ZNF385B: variants seen among roughly 807,000 people sequenced by gnomAD.
ZNF385B encodes zinc finger protein 385B, also known as zinc finger protein 533.
In ZNF385B, 23 loss-of-function variants were observed where a neutral mutation model predicts 39.2. The observed-to-expected ratio is 0.59, with a 90% CI of 0.42 to 0.83. ZNF385B has a LOEUF of 0.83. ZNF385B is among the 40% of genes least tolerant of loss of function. ZNF385B has a pLI of 0.00. For synonymous variants in ZNF385B, 205 were observed against 222.6 expected (o/e 0.92, Z 0.70); for missense variants, 552 against 598.9 (o/e 0.92, Z 0.82).
At chr2:179,649,961 G>A (rs1693060824) in intron 3 of ZNF385B, among the ~76,000 whole-genome samples, 1 of 152,106 alleles carries the variant, frequency 6.6e-6, no homozygotes, top group African/African-American at 2.4e-5. Flanking sequence ...CCCAGTATTA[G>A]CACCCTTCCT....
chr2:179,644,461 G>A (rs1692538334), intron 3 of ZNF385B, among the ~76,000 whole-genome samples: 1 of 152,134 alleles, frequency 6.6e-6, no homozygotes, highest in African/African-American at 2.4e-5. Context: ...TTATCAACTT[G>A]TTGATATTTA....
intron 1 of ZNF385B, among the ~76,000 whole-genome samples, chr2:179,780,903 T>G (rs138383206): frequency 6.6e-6 from 1 of 152,340 alleles, no homozygotes; most frequent in African/African-American, 2.4e-5. Flanking sequence ...GCTAGTCAAA[T>G]GACTAATCAG....
At chr2:179,800,963 T>G (rs1705992467) in intron 1 of ZNF385B, among the ~76,000 whole-genome samples, 1 of 152,096 alleles carries the variant, frequency 6.6e-6, no homozygotes, top group Admixed American at 6.6e-5. Flanking sequence ...GTTACCCAAT[T>G]CATAAGCAAA....
intron 5 of ZNF385B, among the ~76,000 whole-genome samples, chr2:179,490,297 T>C (rs1236100074): frequency 2.7e-5 from 4 of 149,670 alleles, no homozygotes; most frequent in African/African-American, 7.4e-5. Flanking sequence ...TATTTGAATA[T>C]ATGAGCATTA....
chr2:179,840,315 T>C (rs1157116153), intron 1 of ZNF385B, among the ~76,000 whole-genome samples: 2 of 152,218 alleles, frequency 1.3e-5, no homozygotes, highest in Non-Finnish European at 2.9e-5. Context: ...CTAAGTTCTA[T>C]ATATCCATAT....
intron 3 of ZNF385B, among the ~76,000 whole-genome samples, chr2:179,605,584 G>A (rs149089062): frequency 2.0e-3 from 298 of 152,166 alleles, no homozygotes; most frequent in Middle Eastern, 0.01. Flanking sequence ...GGTCCCAATG[G>A]CTATAATATG....
chr2:179,444,760 C>A, intron 9 of ZNF385B, 116 bp downstream of exon 9: 1 of 842,516 alleles, frequency 1.2e-6, no homozygotes, highest in Non-Finnish European at 2.0e-6. Context: ...TCTATGAGGG[C>A]TATTTAAATT....
intron 3 of ZNF385B, among the ~76,000 whole-genome samples, chr2:179,726,661 C>T (rs1247736050): frequency 6.6e-6 from 1 of 152,008 alleles, no homozygotes; most frequent in Non-Finnish European, 1.5e-5. Context: ...CATCATTTCA[C>T]ATTGACAAAG....
chr2:179,749,471 C>A (rs1702555348), intron 3 of ZNF385B, among the ~76,000 whole-genome samples: 1 of 152,062 alleles, frequency 6.6e-6, no homozygotes, highest in Admixed American at 6.6e-5. Context: ...GGACATATAC[C>A]AACCATATGG....
At chr2:179,461,205 T>C (rs184726283) in intron 6 of ZNF385B, among the ~76,000 whole-genome samples, 87 of 152,082 alleles carry the variant, frequency 5.7e-4, no homozygotes, top group Non-Finnish European at 1.1e-3. Context: ...TGAGAGAAAT[T>C]TGGATGTAAC....
At chr2:179,537,656 G>C (rs1244243831) in intron 4 of ZNF385B, among the ~76,000 whole-genome samples, 1 of 152,018 alleles carries the variant, frequency 6.6e-6, no homozygotes, top group African/African-American at 2.4e-5. Flanking sequence ...CAGAAGAATA[G>C]CTTGAATCTG....
chr2:179,458,058 T>A (rs1445746165), intron 6 of ZNF385B, among the ~76,000 whole-genome samples: 1 of 152,236 alleles, frequency 6.6e-6, no homozygotes, highest in Admixed American at 6.5e-5. Context: ...TGAATGTTTG[T>A]CATGTTGACT....
chr2:179,570,164 A>G (rs1685046529), intron 3 of ZNF385B, among the ~76,000 whole-genome samples: 1 of 152,138 alleles, frequency 6.6e-6, no homozygotes. Flanking sequence ...AAGAGAGTCC[A>G]TCATCTCTCA....
chr2:179,766,616 C>T lies in ZNF385B; in HGVS notation c.298+2887G>A, dbSNP rs139159210. ...CATCATCTTCCCTCTCTGTGCATAT[C>T]TGTCTCTGTGTCCGAATTTCCGTTT... On this transcript the variant is annotated intron_variant, in intron 3 of 9. Coordinates refer to ENST00000410066, the MANE Select transcript of ZNF385B (RefSeq NM_152520.6). Among the ~76,000 whole-genome samples, 501 of 152,220 alleles carry T rather than the reference C, an allele frequency of 3.3e-3. 1 individual carries two copies. Among genetic ancestry groups the T allele is most frequent in the Non-Finnish European group, 5.4e-3 (366 of 68,012 alleles).
At chr2:179,504,420 T>G (rs1343892936) in intron 5 of ZNF385B, among the ~76,000 whole-genome samples, 1 of 152,108 alleles carries the variant, frequency 6.6e-6, no homozygotes, top group Non-Finnish European at 1.5e-5. Context: ...TCAAATGGTA[T>G]TTCTAGTTCT....
intron 6 of ZNF385B, among the ~76,000 whole-genome samples, chr2:179,457,522 A>G (rs1040543506): frequency 6.6e-6 from 1 of 152,184 alleles, no homozygotes; most frequent in East Asian, 1.9e-4. Flanking sequence ...ATTGTTTCAC[A>G]TCTTGTCTAA....
chr2:179,689,684 T>C (rs149092124), intron 3 of ZNF385B, among the ~76,000 whole-genome samples: 1 of 152,108 alleles, frequency 6.6e-6, no homozygotes, highest in Admixed American at 6.6e-5. Flanking sequence ...ACTGACTACA[T>C]CAGTGCCTCC....
At chr2:179,823,178 GA>G (rs1342737350) in intron 1 of ZNF385B, among the ~76,000 whole-genome samples, 1 of 152,116 alleles carries the variant, frequency 6.6e-6, no homozygotes, top group Non-Finnish European at 1.5e-5. Flanking sequence ...TAAAAAGTGA[GA>G]CCTACTCTTC....
chr2:179,571,807 A>T (rs1165439204), intron 3 of ZNF385B, among the ~76,000 whole-genome samples: 2 of 151,978 alleles, frequency 1.3e-5, no homozygotes, highest in Non-Finnish European at 2.9e-5. Flanking sequence ...GGGCTCTTAG[A>T]CACAACCCTC....
Sources: gnomAD v4.1 joint callset for allele counts (sites outside exome capture counted in the v4.1 genomes callset) on GRCh38, gnomAD v4.1.1 for gene constraint, MANE v1.5 for transcripts, NCBI Gene and HGNC (gene_info 2026-07-23, HGNC 2026-07-21) for gene names.